ACTL8: variants seen among roughly 807,000 people sequenced by gnomAD.
ACTL8 encodes the protein actin like 8.
Under a neutral mutation model 9.3 loss-of-function variants are expected in ACTL8, and 3 were observed. The ratio of observed to expected loss-of-function variants is 0.32; its 90% CI spans 0.15 to 0.83. ACTL8 has a LOEUF of 0.83. ACTL8 is among the 40% of genes least tolerant of loss of function. The probability of loss-of-function intolerance (pLI) is 0.57; values close to 1 mark genes in which losing one functional copy is unlikely to be tolerated. For synonymous variants in ACTL8, 224 were observed against 205.9 expected (o/e 1.09, Z -0.75); for missense variants, 381 against 492.2 (o/e 0.77, Z 2.14).
chr1:17,761,134 A>ATTTTTT (rs935834059), intron 1 of ACTL8, among the ~76,000 whole-genome samples: 1 of 131,392 alleles, frequency 7.6e-6, no homozygotes, highest in Non-Finnish European at 1.6e-5. Context: ...TTGCGGCTTA[A>ATTTTTT]TTTTTTTTTT....
chr1:17,781,098 C>T (rs955232545), intron 1 of ACTL8, among the ~76,000 whole-genome samples: 1 of 152,130 alleles, frequency 6.6e-6, no homozygotes, highest in Non-Finnish European at 1.5e-5. Flanking sequence ...TCCTTCCTTC[C>T]TCTTCCAGCT....
At chr1:17,770,348 G>A (rs2102677935) in intron 1 of ACTL8, among the ~76,000 whole-genome samples, 1 of 152,322 alleles carries the variant, frequency 6.6e-6, no homozygotes, top group Admixed American at 6.5e-5. Flanking sequence ...AGCAGTTCCA[G>A]GGACCTCTAC....
At position 17,826,779 on chromosome 1, in the gene ACTL8, A is replaced by C; in HGVS notation, c.*260A>C. The C allele has an allele frequency of 3.1e-6, 1 of 324,580 alleles. No individual in the cohort carries two copies. Among genetic ancestry groups the C allele is most frequent in the Non-Finnish European group, 5.6e-6 (1 of 177,678 alleles). The allele number at this position is 324,580 out of a possible 1,614,324, so 20.1% of individuals were successfully genotyped here. A position where few individuals can be genotyped will look rare whatever the true frequency, so the allele number is the denominator to read the frequency against. On this transcript the variant is annotated 3_prime_UTR_variant, in exon 3 of 3. Transcript: ENST00000375406. The surrounding 1 kb of genome is among the most constrained non-coding windows in gnomAD (Gnocchi z 4.5). Reference sequence around the variant, plus strand: ...TTCCAGGGTGGCCTATCATTGGGGTATGAGTGGCTGACTGCCATCTCCATG... The same window carrying C: ...TTCCAGGGTGGCCTATCATTGGGGTCTGAGTGGCTGACTGCCATCTCCATG...
chr1:17,790,595 A>G (rs1478649934), intron 1 of ACTL8, among the ~76,000 whole-genome samples: 4 of 152,156 alleles, frequency 2.6e-5, no homozygotes, highest in African/African-American at 9.7e-5. Flanking sequence ...ATGGGCACCC[A>G]TGGGCGGGCC....
intron 1 of ACTL8, among the ~76,000 whole-genome samples, chr1:17,759,246 G>A (rs2065986657): frequency 6.6e-6 from 1 of 152,224 alleles, no homozygotes; most frequent in Non-Finnish European, 1.5e-5. Context: ...TCCCTGTCCA[G>A]GCAGCAAGCT....
At position 17,755,475 on chromosome 1, in the gene ACTL8, T is replaced by C. The variant is rs1260115550; in HGVS notation, c.-54T>C. 3 of 152,208 alleles carry C rather than the reference T, an allele frequency of 2.0e-5. No individual in the cohort carries two copies. Among genetic ancestry groups the C allele is most frequent in the Non-Finnish European group, 4.4e-5 (3 of 68,058 alleles). 9.4% of individuals were successfully genotyped at this position (152,208 alleles called of 1,614,324 possible). On this transcript the variant is annotated 5_prime_UTR_variant, in exon 1 of 3. Transcript: ENST00000375406. ...GTGAGACACTGTTTCTGAGAGCAGCTTTTGTGGCATCTTACAGGGCAGATT... is the reference window on the plus strand; with the variant it reads ...GTGAGACACTGTTTCTGAGAGCAGCCTTTGTGGCATCTTACAGGGCAGATT...
In ACTL8 at chr1:17,826,094, G is replaced by C; in HGVS notation, c.676G>C (p.Glu226Gln). 5 of 1,609,074 alleles carry C rather than the reference G, an allele frequency of 3.1e-6. No homozygotes were observed. In the South Asian group the frequency reaches 5.5e-5, roughly 18 times the overall value. Residue 226 changes from glutamate (E) to glutamine (Q), a missense_variant, in exon 3 of 3, where the codon GAG becomes CAG. Glu to Gln is a conservative substitution (Grantham distance 29). Coordinates refer to ENST00000375406, the MANE Select transcript of ACTL8 (RefSeq NM_030812.3). The surrounding 1 kb of genome is among the most constrained non-coding windows in gnomAD (Gnocchi z 4.5). ...TCTGGGGGAGGCCCTGGACTTTCGT[G>C]AGAGGCAGCAGAGTGCCTTGGATGA... is the stretch of plus-strand genomic sequence containing the variant. Reference protein sequence around the residue: ...QNLGEALDFRERQQSALDESN... With the variant: ...QNLGEALDFRQRQQSALDESN...
At chr1:17,809,174 C>G (rs1450016629) in intron 1 of ACTL8, among the ~76,000 whole-genome samples, 1 of 152,128 alleles carries the variant, frequency 6.6e-6, no homozygotes, top group East Asian at 1.9e-4. Flanking sequence ...CAAATATGAA[C>G]TTGTCTTCCT....
At chr1:17,761,794 C>T (rs964957466) in intron 1 of ACTL8, among the ~76,000 whole-genome samples, 2 of 152,176 alleles carry the variant, frequency 1.3e-5, no homozygotes, top group Admixed American at 6.5e-5. Context: ...TTGTCTCGAA[C>T]TCCCGACCTC....
chr1:17,776,084 C>T (rs979761038), intron 1 of ACTL8, among the ~76,000 whole-genome samples: 3 of 152,140 alleles, frequency 2.0e-5, no homozygotes, highest in African/African-American at 7.2e-5. Context: ...AGGATTTGTC[C>T]CCCTTAGCCT....
At chr1:17,763,362 G>C (rs370360558) in intron 1 of ACTL8, among the ~76,000 whole-genome samples, 4 of 145,960 alleles carry the variant, frequency 2.7e-5, no homozygotes, top group Admixed American at 2.1e-4. Context: ...GGGTAGCGTG[G>C]GGGTGCTTTG....
chr1:17,797,988 G>C (rs547296665), intron 1 of ACTL8, among the ~76,000 whole-genome samples: 1 of 152,270 alleles, frequency 6.6e-6, no homozygotes, highest in South Asian at 2.1e-4. Flanking sequence ...TCTGAGTGGG[G>C]CAGAGGACGG....
chr1:17,795,068 G>T (rs2066267172), intron 1 of ACTL8, among the ~76,000 whole-genome samples: 1 of 152,204 alleles, frequency 6.6e-6, no homozygotes, highest in South Asian at 2.1e-4. Flanking sequence ...AAATAGTTTA[G>T]AAGAGGGTCC....
At chr1:17,813,648 G>A (rs2066407299) in intron 1 of ACTL8, among the ~76,000 whole-genome samples, 1 of 152,196 alleles carries the variant, frequency 6.6e-6, no homozygotes, top group African/African-American at 2.4e-5. Context: ...GAGTTGGGGT[G>A]TGTTGCCTCC....
intron 1 of ACTL8, among the ~76,000 whole-genome samples, chr1:17,773,994 G>C (rs976805676): frequency 1.3e-5 from 2 of 152,204 alleles, no homozygotes; most frequent in Non-Finnish European, 2.9e-5. Flanking sequence ...ATACAGGTGG[G>C]TAGACTGAGG....
intron 1 of ACTL8, among the ~76,000 whole-genome samples, chr1:17,779,660 C>T (rs1279484222): frequency 6.6e-6 from 1 of 152,144 alleles, no homozygotes; most frequent in East Asian, 1.9e-4. Flanking sequence ...TCCAGGGTTG[C>T]TTTCATCTAT....
At chr1:17,801,381 A>G (rs984510619) in intron 1 of ACTL8, among the ~76,000 whole-genome samples, 6 of 152,252 alleles carry the variant, frequency 3.9e-5, no homozygotes, top group Non-Finnish European at 5.9e-5. Flanking sequence ...TTAAACATCT[A>G]TCCTCTTATC....
At chr1:17,810,975 A>G (rs1475296280) in intron 1 of ACTL8, among the ~76,000 whole-genome samples, 1 of 152,202 alleles carries the variant, frequency 6.6e-6, no homozygotes, top group Non-Finnish European at 1.5e-5. Context: ...TTGTGTGAAC[A>G]TAAGTTCTTA....
chr1:17,793,941 G>A (rs2066259468), intron 1 of ACTL8, among the ~76,000 whole-genome samples: 1 of 152,180 alleles, frequency 6.6e-6, no homozygotes, highest in African/African-American at 2.4e-5. Flanking sequence ...TCTGGCTCCA[G>A]TTGTGAGTAG....
Sources: gnomAD v4.1 joint callset for allele counts (sites outside exome capture counted in the v4.1 genomes callset) on GRCh38, gnomAD v4.1.1 for gene constraint, Gnocchi (gnomAD v3.1) non-coding constraint, MANE v1.5 for transcripts, NCBI Gene and HGNC (gene_info 2026-07-23, HGNC 2026-07-21) for gene names.